GNG7: variants seen among roughly 807,000 people sequenced by gnomAD.
GNG7 encodes the protein guanine nucleotide-binding protein G(I)/G(S)/G(O) subunit gamma-7.
Under a neutral mutation model 4.0 loss-of-function variants are expected in GNG7, and 1 was observed. The observed-to-expected ratio is 0.25, with a 90% CI of 0.09 to 1.18. The LOEUF (loss-of-function observed/expected upper bound fraction) is 1.18, where lower values mean the gene tolerates loss of function less well. GNG7 is among the 50% of genes most tolerant of loss of function. GNG7 has a pLI of 0.50. For synonymous variants in GNG7, 34 were observed against 36.9 expected (o/e 0.92, Z 0.29); for missense variants, 86 against 91.9 (o/e 0.94, Z 0.26).
At chr19:2,669,202 C>T (rs1410519263) in intron 1 of GNG7, among the ~76,000 whole-genome samples, 1 of 152,130 alleles carries the variant, frequency 6.6e-6, no homozygotes, top group East Asian at 1.9e-4. Context: ...CAGAAAACTA[C>T]CGCTGTGGGT....
chr19:2,661,670 TAAAAAAAAA>T (rs57483197), intron 1 of GNG7, among the ~76,000 whole-genome samples: 2 of 108,648 alleles, frequency 1.8e-5, no homozygotes, highest in African/African-American at 3.4e-5. Flanking sequence ...GAGACTCCAT[TAAAAAAAAA>T]AAAAAAAAAA....
intron 2 of GNG7, among the ~76,000 whole-genome samples, chr19:2,612,032 G>A (rs8110275): frequency 0.64 from 96,626 of 151,492 alleles, 31,673 homozygotes; most frequent in Middle Eastern, 0.81. Context: ...CCGCCACCAC[G>A]CCCAGCTAAT....
chr19:2,696,296 A>G lies in GNG7; in HGVS notation c.-135+6350T>C, dbSNP rs11084953. Among the ~76,000 whole-genome samples, 465 of 61,198 alleles carry G rather than the reference A, an allele frequency of 7.6e-3. 4 individuals are homozygous for G. Among genetic ancestry groups the G allele is most frequent in the Middle Eastern group, 0.074 (8 of 108 alleles). The allele number at this position is 61,198 out of a possible 152,430, so 40.1% of individuals were successfully genotyped here. A position where few individuals can be genotyped will look rare whatever the true frequency, so the allele number is the denominator to read the frequency against. ...AGAGAAAGAAAAAGAGAGAGAGAGA[A>G]AGAAAGAAAGAAAGAAAGAAAGAAA... On this transcript the variant is annotated intron_variant, in intron 1 of 4. Coordinates refer to ENST00000382159, the MANE Select transcript of GNG7 (RefSeq NM_052847.3).
At chr19:2,616,275 C>T (rs1453320490) in intron 2 of GNG7, among the ~76,000 whole-genome samples, 1 of 151,932 alleles carries the variant, frequency 6.6e-6, no homozygotes, top group African/African-American at 2.4e-5. Context: ...GCCGGAGTCT[C>T]GCTCTGCTGC....
chr19:2,646,886 G>A (rs75670922), intron 1 of GNG7, among the ~76,000 whole-genome samples: 8,517 of 152,218 alleles, frequency 0.056, 356 homozygotes, highest in Admixed American at 0.13. Context: ...ATCTCCCTGG[G>A]AGGAAGAAGA....
chr19:2,641,186 T>C (rs1982496067), intron 2 of GNG7, among the ~76,000 whole-genome samples: 1 of 152,016 alleles, frequency 6.6e-6, no homozygotes, highest in African/African-American at 2.4e-5. Context: ...AGCCTCTTCC[T>C]CTCTCCTTGA....
chr19:2,572,637 A>G (rs1489339754), intron 2 of GNG7, among the ~76,000 whole-genome samples: 3 of 139,652 alleles, frequency 2.1e-5, no homozygotes, highest in Non-Finnish European at 4.6e-5. Flanking sequence ...TCTGTTGCCC[A>G]GGCCGGACTA....
chr19:2,690,148 G>A (rs561042477), intron 1 of GNG7, among the ~76,000 whole-genome samples: 14 of 152,108 alleles, frequency 9.2e-5, no homozygotes, highest in African/African-American at 1.7e-4. Flanking sequence ...TTGGGAGGCC[G>A]AAGCGAAAGG....
At chr19:2,545,257 C>T (rs563706064) in intron 3 of GNG7, among the ~76,000 whole-genome samples, 11 of 152,274 alleles carry the variant, frequency 7.2e-5, no homozygotes, top group African/African-American at 2.6e-4. Context: ...GGATACTGCT[C>T]AGCACCCTGC....
intron 2 of GNG7, among the ~76,000 whole-genome samples, chr19:2,607,175 C>T (rs12461242): frequency 0.78 from 116,051 of 149,540 alleles, 46,749 homozygotes; most frequent in Non-Finnish European, 0.89. Flanking sequence ...GAGCTGTGAT[C>T]GCACCACTGC....
chr19:2,629,511 G>A (rs967441562), intron 2 of GNG7, among the ~76,000 whole-genome samples: 17 of 152,138 alleles, frequency 1.1e-4, no homozygotes, highest in African/African-American at 4.1e-4. Flanking sequence ...GTCTTCTAGT[G>A]CTAGGAGCCC....
chr19:2,532,754 TCAACCACTAGAGTGG>T (rs1555691392), intron 3 of GNG7, among the ~76,000 whole-genome samples: 1 of 152,160 alleles, frequency 6.6e-6, no homozygotes, highest in Non-Finnish European at 1.5e-5. Context: ...AGACTGCCTC[TCAACCACTAGAGTGG>T]CAAAAATTTA....
rs1972664136 is a variant in GNG7 at position 2,512,085 on chromosome 19, G to C, written c.*2937C>G. On this transcript the variant is annotated 3_prime_UTR_variant, in exon 5 of 5. Coordinates refer to ENST00000382159, the MANE Select transcript of GNG7 (RefSeq NM_052847.3). This position sits in a 1 kb window ranked among gnomAD's most constrained non-coding sequence, Gnocchi z 4.7. The stretch of plus-strand genomic sequence containing the variant: ...TCCCACCCGACGCTGCCTTGTGTGT[G>C]TGCGTGGGTGGGGGTGAGTGTCCTT... 1 of 985,828 alleles carries C rather than the reference G, an allele frequency of 1.0e-6. No homozygotes were observed. Among genetic ancestry groups the C allele is most frequent in the African/African-American group, 1.7e-5 (1 of 57,248 alleles). The allele number at this position is 985,828 out of a possible 1,614,324, so 61.1% of individuals were successfully genotyped here.
chr19:2,616,912 A>T (rs971127529), intron 2 of GNG7, among the ~76,000 whole-genome samples: 1 of 152,084 alleles, frequency 6.6e-6, no homozygotes, highest in African/African-American at 2.4e-5. Context: ...CTGTTTCCTC[A>T]TCTGGGGTCA....
intron 3 of GNG7, among the ~76,000 whole-genome samples, chr19:2,551,004 C>T (rs1042466492): frequency 6.6e-6 from 1 of 152,190 alleles, no homozygotes; most frequent in Non-Finnish European, 1.5e-5. Context: ...TGTCATCCCT[C>T]CCAGCAGATG....
chr19:2,556,106 C>T (rs1039219516), intron 2 of GNG7, among the ~76,000 whole-genome samples: 1 of 152,202 alleles, frequency 6.6e-6, no homozygotes, highest in Non-Finnish European at 1.5e-5. Flanking sequence ...CCCTGCCTTG[C>T]GGAGCGTCTA....
intron 2 of GNG7, among the ~76,000 whole-genome samples, chr19:2,616,008 T>A (rs1981714475): frequency 6.6e-6 from 1 of 152,148 alleles, no homozygotes; most frequent in Non-Finnish European, 1.5e-5. Flanking sequence ...TGTATGGGCC[T>A]TTTTCCCCTG....
chr19:2,514,756 C>A lies in GNG7; in HGVS notation c.*266G>T. ...GAACGGGAAGTGGCCGTAAAGCCTC[C>A]ATCCCTTTTGGCCCAAACTGAGAGG... On this transcript the variant is annotated 3_prime_UTR_variant, in exon 5 of 5. Transcript: ENST00000382159. 1 of 296,864 alleles carries A rather than the reference C, an allele frequency of 3.4e-6. No individual in the cohort carries two copies. The highest frequency in any genetic ancestry group is 6.3e-6 in the Non-Finnish European group (1 of 157,544). 18.4% of individuals were successfully genotyped at this position (296,864 alleles called of 1,614,324 possible).
At chr19:2,684,637 C>T (rs1412680946) in intron 1 of GNG7, among the ~76,000 whole-genome samples, 2 of 152,198 alleles carry the variant, frequency 1.3e-5, no homozygotes, top group African/African-American at 2.4e-5. Context: ...CAGAAGGACA[C>T]ATCCTCCGTG....
Sources: gnomAD v4.1 joint callset for allele counts (sites outside exome capture counted in the v4.1 genomes callset) on GRCh38, gnomAD v4.1.1 for gene constraint, Gnocchi (gnomAD v3.1) non-coding constraint, MANE v1.5 for transcripts, NCBI Gene and HGNC (gene_info 2026-07-23, HGNC 2026-07-21) for gene names.